Variants in CD44 observed in about 807,000 individuals in gnomAD.
The protein encoded by CD44 is CD44 molecule (IN blood group).
CD44 carries 49 observed loss-of-function variants against 88.8 expected under a neutral mutation model. That is an observed-to-expected ratio of 0.55 (90% CI 0.44 to 0.70). The LOEUF (loss-of-function observed/expected upper bound fraction) is 0.70, where lower values mean the gene tolerates loss of function less well. CD44 is among the 30% of genes least tolerant of loss of function. The pLI, the probability that CD44 is intolerant of heterozygous loss-of-function variation, is 0.00. For synonymous variants in CD44, 325 were observed against 312.3 expected (o/e 1.04, Z -0.43); for missense variants, 883 against 913.8 (o/e 0.97, Z 0.43).
chr11:35,161,461 G>C (rs1040035216), intron 1 of CD44, among the ~76,000 whole-genome samples: 1 of 152,146 alleles, frequency 6.6e-6, no homozygotes, highest in Non-Finnish European at 1.5e-5. Flanking sequence ...CCAGTTACCA[G>C]CAATTGTGAA....
chr11:35,184,074 C>G (rs1319435307), intron 3 of CD44, among the ~76,000 whole-genome samples: 1 of 152,088 alleles, frequency 6.6e-6, no homozygotes, highest in Non-Finnish European at 1.5e-5. Flanking sequence ...TCCTCAGATT[C>G]AGGAACACCT....
chr11:35,191,066 C>T (rs968494080), intron 5 of CD44, among the ~76,000 whole-genome samples: 1 of 152,184 alleles, frequency 6.6e-6, no homozygotes, highest in Admixed American at 6.5e-5. Context: ...TCAAATAGGG[C>T]ATCTGCCTCT....
intron 1 of CD44, among the ~76,000 whole-genome samples, chr11:35,160,354 A>G (rs1443085084): frequency 6.6e-6 from 1 of 152,162 alleles, no homozygotes; most frequent in Non-Finnish European, 1.5e-5. Flanking sequence ...AAAGGCGTTT[A>G]TTTGGTGTAT....
At chr11:35,139,541 G>T (rs761827336) in intron 1 of CD44, 171 bp downstream of exon 1, 2 of 773,274 alleles carry the variant, frequency 2.6e-6, no homozygotes. Context: ...AACCGTTGGA[G>T]AATGTGTCTG....
rs771492187 is a variant in CD44 at position 35,208,124 on chromosome 11, T to C, written c.1434T>C (p.Ser478=). Residue 478 remains serine (S), a synonymous_variant, in exon 12 of 18, where the codon AGT becomes AGC. Transcript: ENST00000428726. ...GRRMDMDSSH[S]ITLQPTANPN... ...CTTCAGATATGGACTCCAGTCATAG[T>C]ATAACGCTTCAGCCTACTGCAAATC... The C allele has an allele frequency of 2.5e-6, 4 of 1,607,792 alleles. No homozygotes were observed. The Admixed American group carries it at 6.7e-5, about 27-fold the overall frequency.
At chr11:35,214,378 C>T (rs1201260792) in intron 14 of CD44, among the ~76,000 whole-genome samples, 1 of 152,058 alleles carries the variant, frequency 6.6e-6, no homozygotes, top group Non-Finnish European at 1.5e-5. Flanking sequence ...ATACTAATTT[C>T]CTGCCGCCAA....
At position 35,198,245 on chromosome 11, in the gene CD44, C is replaced by T. The variant is rs746320462; in HGVS notation, c.921C>T (p.Thr307=). 1 of 1,613,646 alleles carries T rather than the reference C, an allele frequency of 6.2e-7. No individual in the cohort carries two copies. Among genetic ancestry groups the T allele is most frequent in the Non-Finnish European group, 8.5e-7 (1 of 1,179,666 alleles). ...IDDDEDFISS[T]ISTTPRAFDH... Reference sequence around the variant, plus strand: ...ATGATGAAGATTTTATCTCCAGCACCAGTAAGAATAATCAATTACAGTACA... The same window carrying T: ...ATGATGAAGATTTTATCTCCAGCACTAGTAAGAATAATCAATTACAGTACA... The change falls in exon 7 of 18, where the codon ACC becomes ACT. Residue 307 remains threonine, a splice_region_variant and synonymous_variant. Transcript: ENST00000428726.
chr11:35,143,675 G>A (rs889378289), intron 1 of CD44, among the ~76,000 whole-genome samples: 5 of 152,174 alleles, frequency 3.3e-5, no homozygotes, highest in African/African-American at 1.2e-4. Context: ...TCTTGCATGG[G>A]TGGCTTCTCT....
intron 1 of CD44, among the ~76,000 whole-genome samples, chr11:35,143,335 C>G (rs1858396499): frequency 6.6e-6 from 1 of 150,996 alleles, no homozygotes. Context: ...AGTCCTGAGT[C>G]TCTAGGAAAT....
At chr11:35,171,533 C>T (rs1332450555) in intron 1 of CD44, among the ~76,000 whole-genome samples, 1 of 152,188 alleles carries the variant, frequency 6.6e-6, no homozygotes, top group South Asian at 2.1e-4. Context: ...TCTGTTTCAT[C>T]CTGTCTTGGC....
At chr11:35,221,314 A>G (rs545584730) in intron 16 of CD44, among the ~76,000 whole-genome samples, 17 of 152,340 alleles carry the variant, frequency 1.1e-4, no homozygotes, top group Admixed American at 1.1e-3. Flanking sequence ...TCCTTTCAAA[A>G]GAAGCCTACA....
intron 12 of CD44, among the ~76,000 whole-genome samples, chr11:35,209,531 A>G (rs1948202520): frequency 6.6e-6 from 1 of 152,146 alleles, no homozygotes. Context: ...ACAGGCTATC[A>G]TAGTGTTCAT....
At chr11:35,156,775 A>T (rs1941923350) in intron 1 of CD44, among the ~76,000 whole-genome samples, 1 of 152,202 alleles carries the variant, frequency 6.6e-6, no homozygotes, top group African/African-American at 2.4e-5. Flanking sequence ...TCATGCCTGT[A>T]ATTCAGCACT....
At chr11:35,192,608 TAAG>T (rs1365331096) in intron 5 of CD44, among the ~76,000 whole-genome samples, 2 of 152,124 alleles carry the variant, frequency 1.3e-5, no homozygotes, top group Non-Finnish European at 2.9e-5. Context: ...GGACAGCTAG[TAAG>T]AATAACCATC....
chr11:35,213,704 A>T (rs1948609224), intron 14 of CD44: 1 of 152,112 alleles, frequency 6.6e-6, no homozygotes, highest in South Asian at 2.1e-4. Flanking sequence ...GGTGGTGGTG[A>T]TGGTGATGGT....
intron 1 of CD44, among the ~76,000 whole-genome samples, chr11:35,153,857 C>T (rs982979307): frequency 4.6e-5 from 7 of 152,176 alleles, no homozygotes; most frequent in African/African-American, 1.7e-4. Flanking sequence ...CTTGAGGACC[C>T]TTGTTGTCAG....
chr11:35,198,866 C>A (rs142449931), intron 7 of CD44, among the ~76,000 whole-genome samples: 421 of 150,724 alleles, frequency 2.8e-3, no homozygotes, highest in African/African-American at 9.6e-3. Flanking sequence ...GTAGTCCTAG[C>A]TATTCGGGAG....
intron 10 of CD44, among the ~76,000 whole-genome samples, chr11:35,205,399 A>G (rs1947730386): frequency 6.6e-6 from 1 of 151,932 alleles, no homozygotes; most frequent in Non-Finnish European, 1.5e-5. Flanking sequence ...ATAATGCATC[A>G]TGTCCTTCTG....
intron 5 of CD44, among the ~76,000 whole-genome samples, chr11:35,191,546 G>A (rs987332111): frequency 6.6e-6 from 1 of 152,152 alleles, no homozygotes; most frequent in Non-Finnish European, 1.5e-5. Flanking sequence ...TCTTTTTAAA[G>A]TAACCATGTC....
Sources: gnomAD v4.1 joint callset for allele counts (sites outside exome capture counted in the v4.1 genomes callset) on GRCh38, gnomAD v4.1.1 for gene constraint, MANE v1.5 for transcripts, NCBI Gene and HGNC (gene_info 2026-07-23, HGNC 2026-07-21) for gene names.